WWOX: variants seen among roughly 807,000 people sequenced by gnomAD.
The protein encoded by WWOX is WW domain containing oxidoreductase.
WWOX carries 69 observed loss-of-function variants against 46.2 expected under a neutral mutation model. The observed-to-expected ratio is 1.49, with a 90% CI of 1.23 to 1.82. WWOX has a LOEUF of 1.82. WWOX is among the 40% of genes most tolerant of loss of function. The probability of loss-of-function intolerance (pLI) is 0.00; values close to 1 mark genes in which losing one functional copy is unlikely to be tolerated. For missense variants in WWOX, 919 were observed against 542.6 expected (o/e 1.69, Z -6.89); for synonymous variants, 359 against 202.6 (o/e 1.77, Z -6.56).
rs527338025 is a variant in WWOX, at chr16:78,515,577, C to T, written c.1056+82825C>T. On this transcript the variant is annotated intron_variant, in intron 8 of 8. Coordinates refer to ENST00000566780, the MANE Select transcript of WWOX (RefSeq NM_016373.4). Reference sequence around the variant, plus strand: ...TTTAGAAACGTCTGGTGGAACCATCCGGGCATCACATAGCTATCTCTGTGC... The same window carrying T: ...TTTAGAAACGTCTGGTGGAACCATCTGGGCATCACATAGCTATCTCTGTGC... 2.5e-3 allele frequency among the ~76,000 whole-genome samples: 379 copies of T among 152,230 alleles called. 4 individuals carry two copies. The Middle Eastern group carries it at 0.044, about 18-fold the overall frequency.
chr16:78,179,669 A>G (rs570222377), intron 5 of WWOX: 15 of 152,350 alleles, frequency 9.8e-5, no homozygotes, highest in African/African-American at 2.9e-4. Context: ...CTTTATGACA[A>G]CACTATGAGA....
rs563175082 is a variant in WWOX, at chr16:78,606,263, G to C, written c.1056+173511G>C. Among the ~76,000 whole-genome samples, 4 of 152,030 alleles carry C rather than the reference G, an allele frequency of 2.6e-5. No individual in the cohort carries two copies. In the South Asian group the frequency reaches 8.3e-4, roughly 32 times the overall value. On this transcript the variant is annotated intron_variant, in intron 8 of 8. Transcript: ENST00000566780. Reference sequence around the variant, plus strand: ...TCTTTGTAGTCTCTTTTTTAATTTGGTGCAATCACTTAAAAAGTTTAGCAC... The same window carrying C: ...TCTTTGTAGTCTCTTTTTTAATTTGCTGCAATCACTTAAAAAGTTTAGCAC...
chr16:78,165,947 A>C (rs1410827525), intron 5 of WWOX, among the ~76,000 whole-genome samples: 1 of 147,252 alleles, frequency 6.8e-6, no homozygotes, highest in Non-Finnish European at 1.5e-5. Context: ...AAAAGTAGTA[A>C]CCTCTAGTAG....
At chr16:79,075,341 A>G (rs984454319) in intron 8 of WWOX, among the ~76,000 whole-genome samples, 3 of 152,186 alleles carry the variant, frequency 2.0e-5, no homozygotes, top group African/African-American at 7.2e-5. Flanking sequence ...CAGGAAGGGA[A>G]AAAAAATCAC....
intron 8 of WWOX, among the ~76,000 whole-genome samples, chr16:78,907,078 G>A (rs2044984499): frequency 6.6e-6 from 1 of 152,040 alleles, no homozygotes; most frequent in South Asian, 2.1e-4. Flanking sequence ...GGAGACTGGA[G>A]CTTTATTGTT....
At chr16:78,465,657 A>G (rs1400356152) in intron 8 of WWOX, among the ~76,000 whole-genome samples, 1 of 152,240 alleles carries the variant, frequency 6.6e-6, no homozygotes, top group Admixed American at 6.5e-5. Flanking sequence ...CTGTTTTAGT[A>G]ATTTACTCCC....
chr16:78,191,469 A>G (rs1840833257), intron 5 of WWOX, among the ~76,000 whole-genome samples: 1 of 152,222 alleles, frequency 6.6e-6, no homozygotes, highest in African/African-American at 2.4e-5. Flanking sequence ...TGCCGCCACA[A>G]TATATCAATG....
At chr16:78,715,471 C>G (rs1316808228) in intron 8 of WWOX, among the ~76,000 whole-genome samples, 1 of 151,534 alleles carries the variant, frequency 6.6e-6, no homozygotes, top group Admixed American at 6.6e-5. Flanking sequence ...CCACCCCCAC[C>G]CCTACCCACC....
At chr16:78,937,271 A>G (rs2045757715) in intron 8 of WWOX, among the ~76,000 whole-genome samples, 1 of 152,140 alleles carries the variant, frequency 6.6e-6, no homozygotes, top group South Asian at 2.1e-4. Context: ...AAATAATACA[A>G]GCAACTGTTT....
At chr16:78,796,600 T>C (rs1056417227) in intron 8 of WWOX, among the ~76,000 whole-genome samples, 1 of 152,254 alleles carries the variant, frequency 6.6e-6, no homozygotes, top group African/African-American at 2.4e-5. Context: ...TTGCATGGTC[T>C]TGTACAAATG....
intron 8 of WWOX, among the ~76,000 whole-genome samples, chr16:79,180,676 C>G (rs766724382): frequency 7.2e-5 from 11 of 152,100 alleles, no homozygotes; most frequent in Non-Finnish European, 1.5e-4. Flanking sequence ...TCTTCTCTCT[C>G]TCTTTCTCCC....
chr16:78,458,375 C>T (rs2083875512), intron 8 of WWOX, among the ~76,000 whole-genome samples: 1 of 151,476 alleles, frequency 6.6e-6, no homozygotes, highest in Non-Finnish European at 1.5e-5. Context: ...ATCCTCTGGC[C>T]TCAGCCTCCC....
intron 8 of WWOX, among the ~76,000 whole-genome samples, chr16:78,820,258 C>T (rs1401660186): frequency 6.6e-6 from 1 of 152,110 alleles, no homozygotes; most frequent in Admixed American, 6.6e-5. Context: ...GCCAAAGAGC[C>T]AAATTTGCAG....
intron 8 of WWOX, among the ~76,000 whole-genome samples, chr16:78,647,782 C>G (rs914884106): frequency 6.6e-6 from 1 of 152,186 alleles, no homozygotes; most frequent in Non-Finnish European, 1.5e-5. Context: ...ACAGAAATTT[C>G]TAGAACAGAA....
At chr16:78,905,296 C>G (rs2044933379) in intron 8 of WWOX, among the ~76,000 whole-genome samples, 1 of 152,128 alleles carries the variant, frequency 6.6e-6, no homozygotes, top group African/African-American at 2.4e-5. Context: ...ATATTTACTT[C>G]CAATATGAAG....
intron 8 of WWOX, among the ~76,000 whole-genome samples, chr16:79,022,441 G>A (rs1045481168): frequency 2.7e-5 from 4 of 150,748 alleles, no homozygotes; most frequent in Non-Finnish European, 4.4e-5. Flanking sequence ...AAATAAAGCT[G>A]TCTACTTTAC....
chr16:78,314,687 G>GTTTT (rs1567494414), intron 5 of WWOX, among the ~76,000 whole-genome samples: 4 of 92,032 alleles, frequency 4.3e-5, no homozygotes, highest in African/African-American at 2.4e-4. Context: ...ACCCTGCAGG[G>GTTTT]GTTTTTTTTT....
At chr16:78,841,680 C>G (rs2052154767) in intron 8 of WWOX, among the ~76,000 whole-genome samples, 1 of 152,108 alleles carries the variant, frequency 6.6e-6, no homozygotes, top group African/African-American at 2.4e-5. Flanking sequence ...TAAGTAGGTG[C>G]AAACATTAGA....
chr16:79,170,924 A>T (rs147047060), intron 8 of WWOX, among the ~76,000 whole-genome samples: 1 of 152,194 alleles, frequency 6.6e-6, no homozygotes, highest in African/African-American at 2.4e-5. Flanking sequence ...CTTGCCTACA[A>T]ATTTTTAATA....
Sources: allele counts gnomAD v4.1 joint callset (sites outside exome capture counted in the v4.1 genomes callset), GRCh38; gene constraint gnomAD v4.1.1; transcripts MANE v1.5; gene names NCBI Gene and HGNC (gene_info 2026-07-23, HGNC 2026-07-21).